Variants in IL12RB2 observed in about 807,000 individuals in gnomAD.
IL12RB2 encodes interleukin 12 receptor subunit beta 2, also known as interleukin-12 receptor subunit beta-2.
Under a neutral mutation model 89.4 loss-of-function variants are expected in IL12RB2, and 82 were observed. That is an observed-to-expected ratio of 0.92 (90% CI 0.77 to 1.10). The LOEUF is 1.10. Among genes scored for constraint, IL12RB2 ranks in the 50% least tolerant of loss-of-function variants. The pLI, the probability that IL12RB2 is intolerant of heterozygous loss-of-function variation, is 0.00. For synonymous variants in IL12RB2, 368 were observed against 370.1 expected (o/e 0.99, Z 0.07); for missense variants, 963 against 1,031.9 (o/e 0.93, Z 0.92).
chr1:67,385,530 A>G (rs1271927414), intron 14 of IL12RB2, among the ~76,000 whole-genome samples: 1 of 152,164 alleles, frequency 6.6e-6, no homozygotes, highest in Non-Finnish European at 1.5e-5. Flanking sequence ...TTACATGTTC[A>G]CACATCTGTA....
chr1:67,368,299 G>A lies in IL12RB2; in HGVS notation c.1459+274G>A, dbSNP rs1662930857. Among the ~76,000 whole-genome samples, 7 of 152,324 alleles carry A rather than the reference G, an allele frequency of 4.6e-5. No homozygotes were observed. In the South Asian group the frequency reaches 1.4e-3, roughly 32 times the overall value. The stretch of plus-strand genomic sequence containing the variant: ...TGAATAATTGAACCAAACAAGTATG[G>A]CTGAGAGCTAAGTTAACTGCCCAGT... On this transcript the variant is annotated intron_variant, in intron 11 of 16. Transcript: ENST00000674203.
chr1:67,316,492 T>G (rs977923855), intron 2 of IL12RB2, among the ~76,000 whole-genome samples: 1 of 151,416 alleles, frequency 6.6e-6, no homozygotes, highest in Non-Finnish European at 1.5e-5. Flanking sequence ...CAATTAAAAC[T>G]CAATTAAAAT....
intron 9 of IL12RB2, among the ~76,000 whole-genome samples, chr1:67,339,437 A>G (rs2100752295): frequency 6.6e-6 from 1 of 151,992 alleles, no homozygotes; most frequent in South Asian, 2.1e-4. Flanking sequence ...CAGTGAGCCA[A>G]GATCATGCCA....
intron 9 of IL12RB2, among the ~76,000 whole-genome samples, chr1:67,340,017 T>C (rs1659344015): frequency 7.2e-6 from 1 of 138,170 alleles, no homozygotes; most frequent in East Asian, 2.1e-4. Context: ...TGAATCTGAA[T>C]GAGCACAAAA....
chr1:67,342,758 C>A (rs12127676), intron 9 of IL12RB2, among the ~76,000 whole-genome samples: 1 of 141,830 alleles, frequency 7.1e-6, no homozygotes. Flanking sequence ...TTTAAAATCA[C>A]ACCTTTTTTT....
intron 11 of IL12RB2, among the ~76,000 whole-genome samples, chr1:67,368,891 T>C (rs772688312): frequency 1.3e-5 from 2 of 152,218 alleles, no homozygotes; most frequent in Non-Finnish European, 2.9e-5. Flanking sequence ...ATGCCTAATA[T>C]ATTTTAAGGG....
At chr1:67,386,484 T>C (rs1355734918) in intron 14 of IL12RB2, 95 bp from the exon 15 acceptor site, 26 of 857,942 alleles carry the variant, frequency 3.0e-5, no homozygotes, top group South Asian at 1.5e-4. Context: ...GCCCAGGAAC[T>C]GTGGGTAAGG....
At chr1:67,353,005 G>A (rs1056111621) in intron 10 of IL12RB2, among the ~76,000 whole-genome samples, 1 of 152,188 alleles carries the variant, frequency 6.6e-6, no homozygotes, top group African/African-American at 2.4e-5. Context: ...CCTTAGAAAT[G>A]TATACTCAGC....
chr1:67,374,971 G>A (rs980790179), intron 13 of IL12RB2, among the ~76,000 whole-genome samples: 1 of 151,954 alleles, frequency 6.6e-6, no homozygotes, highest in Non-Finnish European at 1.5e-5. Context: ...GGGAGGGAGA[G>A]TGCAGATTCA....
chr1:67,362,572 CAAAA>C (rs956277979), intron 10 of IL12RB2, among the ~76,000 whole-genome samples: 2 of 43,340 alleles, frequency 4.6e-5, no homozygotes, highest in African/African-American at 2.0e-4. Flanking sequence ...GACTCCGTCT[CAAAA>C]AAAAAAAAAA....
chr1:67,362,559 C>G (rs1304461451), intron 10 of IL12RB2, among the ~76,000 whole-genome samples: 10 of 114,132 alleles, frequency 8.8e-5, no homozygotes, highest in Admixed American at 3.8e-4. Flanking sequence ...GGCGACAGAG[C>G]GAGACTCCGT....
At chr1:67,346,447 T>A (rs938762501) in intron 9 of IL12RB2, among the ~76,000 whole-genome samples, 2 of 145,962 alleles carry the variant, frequency 1.4e-5, no homozygotes, top group South Asian at 2.2e-4. Flanking sequence ...AGTGCAGTGG[T>A]GCGATATTAG....
chr1:67,373,696 A>G (rs931479889), intron 13 of IL12RB2, among the ~76,000 whole-genome samples: 1 of 152,174 alleles, frequency 6.6e-6, no homozygotes, highest in African/African-American at 2.4e-5. Context: ...ATTTATTCAG[A>G]GTTTTTGTTT....
intron 16 of IL12RB2, among the ~76,000 whole-genome samples, chr1:67,392,134 G>C (rs77976384): frequency 0.054 from 8,208 of 152,154 alleles, 291 homozygotes; most frequent in Admixed American, 0.077. Context: ...GTTTCTAGCA[G>C]TCTACACCTC....
intron 13 of IL12RB2, among the ~76,000 whole-genome samples, chr1:67,376,070 T>A (rs1663951731): frequency 6.6e-6 from 1 of 151,874 alleles, no homozygotes; most frequent in Non-Finnish European, 1.5e-5. Context: ...ATGGTCTCAA[T>A]CTCCTGACCT....
In IL12RB2 at chr1:67,329,641, G is replaced by A. The variant is rs1351111465; in HGVS notation, c.719G>A (p.Ser240Asn). The change falls in exon 7 of 17, where the codon AGC becomes AAC. Residue 240 changes from serine to asparagine, a missense_variant. Ser to Asn is a conservative substitution (Grantham distance 46). Coordinates refer to ENST00000674203, the MANE Select transcript of IL12RB2 (RefSeq NM_001374259.2). Reference sequence around the variant, plus strand: ...ATCAAATTTCAAAAGGCTTCTGTGAGCAGATGTACCCTTTATTGGAGAGAT... The same window carrying A: ...ATCAAATTTCAAAAGGCTTCTGTGAACAGATGTACCCTTTATTGGAGAGAT... ...IRIKFQKASVSRCTLYWRDEG... is the reference protein window; with the variant it reads ...IRIKFQKASVNRCTLYWRDEG... 6.4e-7 allele frequency: 1 copy of A among 1,565,124 alleles called. No individual in the cohort carries two copies. The highest frequency in any genetic ancestry group is 1.7e-5 in the Admixed American group (1 of 59,966).
intron 11 of IL12RB2, among the ~76,000 whole-genome samples, chr1:67,371,012 G>A (rs1056193605): frequency 6.6e-6 from 1 of 152,214 alleles, no homozygotes; most frequent in Non-Finnish European, 1.5e-5. Context: ...GAACTCCCAT[G>A]CCTCCATAAG....
rs778036260 is a variant in IL12RB2, at chr1:67,396,093, G to C, written c.*4G>C. 5 of 1,565,496 alleles carry C rather than the reference G, an allele frequency of 3.2e-6. No homozygotes were observed. Among genetic ancestry groups the C allele is most frequent in the Admixed American group, 1.7e-5 (1 of 59,970 alleles). On this transcript the variant is annotated 3_prime_UTR_variant, in exon 17 of 17. Transcript: ENST00000674203. ...GTGTGACTCCCTCATGCTCTGAGTG[G>C]TGAGGCTTCAAGCCTTAAAGTCAGT...
intron 13 of IL12RB2, among the ~76,000 whole-genome samples, chr1:67,376,024 T>A (rs1254783073): frequency 1.3e-5 from 2 of 152,014 alleles, no homozygotes; most frequent in African/African-American, 4.8e-5. Context: ...TTTTTTGTAT[T>A]TTTAGTAGAC....
Sources: allele counts gnomAD v4.1 joint callset (sites outside exome capture counted in the v4.1 genomes callset), GRCh38; gene constraint gnomAD v4.1.1; transcripts MANE v1.5; gene names NCBI Gene and HGNC (gene_info 2026-07-23, HGNC 2026-07-21).